DNAH6: variants seen among roughly 807,000 people sequenced by gnomAD.
DNAH6 encodes the protein axonemal beta dynein heavy chain 6.
Under a neutral mutation model 491.4 loss-of-function variants are expected in DNAH6, and 340 were observed. The observed-to-expected ratio is 0.69, with a 90% CI of 0.63 to 0.76. The LOEUF is 0.76. DNAH6 is among the 30% of genes least tolerant of loss of function. The pLI is 0.00. For missense variants in DNAH6, 4,443 were observed against 4,972.2 expected (o/e 0.89, Z 3.20); for synonymous variants, 1,603 against 1,686.1 (o/e 0.95, Z 1.21).
intron 62 of DNAH6, among the ~76,000 whole-genome samples, chr2:84,744,165 G>T (rs1355815575): frequency 6.6e-6 from 1 of 152,146 alleles, no homozygotes; most frequent in African/African-American, 2.4e-5. Flanking sequence ...CTTTCTGATT[G>T]CTATGATTAA....
At chr2:84,546,378 T>C (rs1171369015) in intron 5 of DNAH6, among the ~76,000 whole-genome samples, 2 of 152,214 alleles carry the variant, frequency 1.3e-5, no homozygotes, top group African/African-American at 4.8e-5. Context: ...GTTGTTATAC[T>C]ATATTGTTTA....
chr2:84,743,966 AC>A (rs1672741658), intron 62 of DNAH6, among the ~76,000 whole-genome samples: 1 of 152,224 alleles, frequency 6.6e-6, no homozygotes, highest in African/African-American at 2.4e-5. Flanking sequence ...CTTTTGCAAT[AC>A]ATGGTTCTGC....
intron 63 of DNAH6, among the ~76,000 whole-genome samples, chr2:84,754,012 A>G (rs978066294): frequency 1.3e-5 from 2 of 150,584 alleles, no homozygotes; most frequent in African/African-American, 4.9e-5. Context: ...TTTAGTAGAG[A>G]TGGGGTTTAC....
In DNAH6 at chr2:84,796,270, A is replaced by G. The variant is rs763804402; in HGVS notation, c.11240-36A>G. On this transcript the variant is annotated intron_variant, in intron 68 of 76. Coordinates refer to ENST00000389394, the MANE Select transcript of DNAH6 (RefSeq NM_001370.2). ...TAGGTATGCCTATCAATTTTTTAAA[A>G]ACAGCAATAATTTCAAAATACAAAT... The G allele has an allele frequency of 2.5e-5, 35 of 1,380,070 alleles. 1 individual carries two copies. The highest frequency in any genetic ancestry group is 2.2e-4 in the Middle Eastern group (1 of 4,498). The allele number at this position is 1,380,070 out of a possible 1,614,324, so 85.5% of individuals were successfully genotyped here. A position where few individuals can be genotyped will look rare whatever the true frequency, so the allele number is the denominator to read the frequency against.
Position 84,703,498 on chromosome 2 carries a change from C to T in DNAH6, c.8165C>T (p.Ala2722Val). 6.4e-7 allele frequency: 1 copy of T among 1,551,350 alleles called. No individual in the cohort carries two copies. ...DLSALEPVLL[A>V]KSEDVEALME... ...TCAGCTTTAGAGCCTGTACTTTTAG[C>T]AAAATCAGAAGATGTTGAAGCCCTG... The change falls in exon 50 of 77, where the codon GCA becomes GTA. Residue 2722 changes from alanine (A) to valine (V), a missense_variant. By Grantham distance (64) the Ala-to-Val change is moderately conservative (BLOSUM62 0). Transcript: ENST00000389394.
chr2:84,649,420 C>A (rs1220375558), intron 33 of DNAH6, among the ~76,000 whole-genome samples: 1 of 152,092 alleles, frequency 6.6e-6, no homozygotes, highest in Non-Finnish European at 1.5e-5. Context: ...TCATCATTTT[C>A]TTTTTGCTTA....
intron 66 of DNAH6, 140 bp from the exon 67 acceptor site, chr2:84,785,470 A>T: frequency 1.2e-6 from 1 of 808,216 alleles, no homozygotes; most frequent in Non-Finnish European, 1.8e-6. Flanking sequence ...AGGCTCGAAC[A>T]TGCCAGGAAT....
At chr2:84,604,282 G>C (rs1685542567) in intron 18 of DNAH6, 57 bp from the exon 19 acceptor site, 10 of 1,369,658 alleles carry the variant, frequency 7.3e-6, no homozygotes, top group Non-Finnish European at 1.0e-5. Context: ...ACCAGAACCT[G>C]TGGGTTATAT....
chr2:84,752,209 A>T (rs1673535575), intron 63 of DNAH6, among the ~76,000 whole-genome samples: 1 of 152,194 alleles, frequency 6.6e-6, no homozygotes, highest in Non-Finnish European at 1.5e-5. Context: ...TAAAACCCAG[A>T]TGTATGAATG....
intron 2 of DNAH6, among the ~76,000 whole-genome samples, chr2:84,519,714 CTCT>C (rs1474348044): frequency 1.0e-4 from 15 of 150,520 alleles, no homozygotes; most frequent in Admixed American, 4.7e-4. Context: ...TTCTTTTCTA[CTCT>C]TCTTCTTTTA....
rs542095029 is a variant in DNAH6, at chr2:84,819,479, T to C, written c.*71T>C. 13 of 999,116 alleles carry C rather than the reference T, an allele frequency of 1.3e-5. No individual in the cohort carries two copies. The African/African-American group carries it at 2.1e-4, about 16-fold the overall frequency. 61.9% of individuals were successfully genotyped at this position (999,116 alleles called of 1,614,324 possible). ...TCCTAATGGGAGCAAAAGGTTTGAA[T>C]AATTTATATGTGAGCAAAACGGTGT... is the stretch of plus-strand genomic sequence containing the variant. On this transcript the variant is annotated 3_prime_UTR_variant, in exon 77 of 77. Coordinates refer to ENST00000389394, the MANE Select transcript of DNAH6 (RefSeq NM_001370.2).
Position 84,727,834 on chromosome 2 carries a change from C to T in DNAH6, c.10138C>T (p.Arg3380Cys), listed in dbSNP as rs1281938835. ...YSFMLCVEMM[R>C]QQGTLSDAEW... ...CTTTATGCTTTGTGTTGAGATGATG[C>T]GTCAGCAAGGAACCCTATCTGATGC... Residue 3380 changes from arginine to cysteine, a missense_variant, in exon 61 of 77, where the codon CGT (arginine) becomes TGT (cysteine). Arg to Cys is a radical substitution (Grantham distance 180). This residue lies in a region of DNAH6 where 1,463 missense variants were observed against 1,656.6 expected (regional missense o/e 0.88). Coordinates refer to ENST00000389394, the MANE Select transcript of DNAH6 (RefSeq NM_001370.2). 2.3e-5 allele frequency: 35 copies of T among 1,551,976 alleles called. No individual in the cohort carries two copies. The highest frequency in any genetic ancestry group is 2.8e-5 in the Non-Finnish European group (32 of 1,147,026).
intron 60 of DNAH6, 96 bp from the exon 61 acceptor site, chr2:84,727,573 A>G (rs1272517662): frequency 8.2e-6 from 6 of 727,838 alleles, no homozygotes; most frequent in African/African-American, 1.8e-5. Context: ...CCATGCTGCC[A>G]TTTACTCACT....
intron 42 of DNAH6, 45 bp downstream of exon 42, chr2:84,681,573 T>C: frequency 7.0e-7 from 1 of 1,423,934 alleles, no homozygotes; most frequent in African/African-American, 1.5e-5. Context: ...CCTCCCTACT[T>C]TTCCATTGGC....
chr2:84,639,290 C>T (rs920616958), intron 31 of DNAH6, among the ~76,000 whole-genome samples: 5 of 152,038 alleles, frequency 3.3e-5, no homozygotes, highest in Non-Finnish European at 5.9e-5. Flanking sequence ...ACATGTTTTC[C>T]ATATCTCATG....
chr2:84,651,622 T>C (rs752887500), intron 33 of DNAH6, among the ~76,000 whole-genome samples: 7 of 152,018 alleles, frequency 4.6e-5, no homozygotes, highest in Non-Finnish European at 7.4e-5. Context: ...TCTGTGCCCA[T>C]TGGCATTTCT....
chr2:84,601,068 A>AATAAT (rs1558778959), intron 18 of DNAH6, among the ~76,000 whole-genome samples: 7 of 148,850 alleles, frequency 4.7e-5, no homozygotes, highest in African/African-American at 1.7e-4. Context: ...ATTATACTAT[A>AATAAT]AGGAATCCTT....
rs773224592 is a variant in DNAH6, at chr2:84,548,375, C to T, written c.1274C>T (p.Thr425Ile). 7 of 1,613,918 alleles carry T rather than the reference C, an allele frequency of 4.3e-6. No individual in the cohort carries two copies. The highest frequency in any genetic ancestry group is 1.7e-4 in the Middle Eastern group (1 of 6,056). ...TYGDSEKMTY[T>I]EQASKRHYCM... The stretch of plus-strand genomic sequence containing the variant: ...GGAGACTCTGAGAAAATGACATATA[C>T]AGAACAGGCCAGCAAAAGGCATTAT... Residue 425 changes from threonine to isoleucine, a missense_variant, in exon 8 of 77, where the codon ACA becomes ATA. By Grantham distance (89) the Thr-to-Ile change is moderately conservative. This residue lies in a region of DNAH6 where 2,977 missense variants were observed against 3,296.6 expected (regional missense o/e 0.90). Transcript: ENST00000389394.
rs942025859 is a variant in DNAH6, at chr2:84,710,526, A to G, written c.9378+114A>G. The G allele has an allele frequency of 9.2e-6, 10 of 1,085,130 alleles. No individual in the cohort carries two copies. The African/African-American group carries it at 1.3e-4, about 14-fold the overall frequency. 67.2% of individuals were successfully genotyped at this position (1,085,130 alleles called of 1,614,324 possible). On this transcript the variant is annotated intron_variant, in intron 56 of 76. Transcript: ENST00000389394. ...AAGACACCAGTCAACTCCATTTTCA[A>G]ATTGGTCAAACCAGTTCCTCTTCTC...
Sources: allele counts gnomAD v4.1 joint callset (sites outside exome capture counted in the v4.1 genomes callset), GRCh38; gene constraint gnomAD v4.1.1; regional missense constraint gnomAD v4.1.1; transcripts MANE v1.5; gene names NCBI Gene and HGNC (gene_info 2026-07-23, HGNC 2026-07-21).